Variants in ARK2C observed in about 807,000 individuals in gnomAD.
ARK2C encodes the protein arkadia (RNF111) C-terminal like ring finger ubiquitin ligase 2C, also known as E3 ubiquitin-protein ligase ARK2C.
chr18:46,412,361 T>C, the ARK2C span, among the ~76,000 whole-genome samples: 2 of 152,240 alleles, frequency 1.3e-5, no homozygotes, highest in Non-Finnish European at 2.9e-5. Flanking sequence ...CCCAGAGGGT[T>C]ACCACTAAGC....
At chr18:46,345,372 AC>A in the ARK2C span, among the ~76,000 whole-genome samples, 13 of 152,084 alleles carry the variant, frequency 8.5e-5, no homozygotes, top group African/African-American at 3.1e-4. Flanking sequence ...CCAGATGACA[AC>A]CTGAGATGGC....
chr18:46,401,428 T>G, the ARK2C span, among the ~76,000 whole-genome samples: 1 of 151,422 alleles, frequency 6.6e-6, no homozygotes, highest in East Asian at 1.9e-4. Flanking sequence ...AAAATGGAGG[T>G]TCCTTGTATT....
the ARK2C span, chr18:46,335,402 T>C: frequency 1.3e-5 from 2 of 152,200 alleles, no homozygotes; most frequent in African/African-American, 4.8e-5. Flanking sequence ...CACATTTCTT[T>C]CATTTTCTTT....
At chr18:46,379,310 C>T in the ARK2C span, among the ~76,000 whole-genome samples, 11 of 152,216 alleles carry the variant, frequency 7.2e-5, no homozygotes, top group Non-Finnish European at 1.6e-4. Flanking sequence ...AAACACAAAA[C>T]CCTCTCCTTA....
chr18:46,353,484 G>A, the ARK2C span, among the ~76,000 whole-genome samples: 1 of 152,134 alleles, frequency 6.6e-6, no homozygotes. Context: ...TTTTAGCACA[G>A]GTGCCTGGCA....
At chr18:46,426,570 C>A in the ARK2C span, among the ~76,000 whole-genome samples, 1 of 152,168 alleles carries the variant, frequency 6.6e-6, no homozygotes, top group African/African-American at 2.4e-5. Flanking sequence ...TCACTCAGGC[C>A]CCCACCCCCT....
the ARK2C span, among the ~76,000 whole-genome samples, chr18:46,415,705 CTTTCTAACCCTTGAGCCTCAG>C: frequency 6.6e-6 from 1 of 152,042 alleles, no homozygotes; most frequent in Non-Finnish European, 1.5e-5. Flanking sequence ...CTGAGCAAGT[CTTTCTAACCCTTGAGCCTCAG>C]TTTCTTCATC....
chr18:46,351,737 G>C, the ARK2C span, among the ~76,000 whole-genome samples: 1 of 152,158 alleles, frequency 6.6e-6, no homozygotes, highest in African/African-American at 2.4e-5. Context: ...TGGAAACAGA[G>C]GCCTAGGTTT....
chr18:46,455,900 C>A, the ARK2C span: 1 of 834,296 alleles, frequency 1.2e-6, no homozygotes, highest in Non-Finnish European at 2.0e-6. Flanking sequence ...GAAGAGCAGG[C>A]TGTGGGTGAA....
At chr18:46,451,798 C>A in the ARK2C span, among the ~76,000 whole-genome samples, 1 of 152,142 alleles carries the variant, frequency 6.6e-6, no homozygotes, top group Non-Finnish European at 1.5e-5. Context: ...GAGCAAGACC[C>A]TGTATCAAAC....
At chr18:46,380,466 T>C in the ARK2C span, among the ~76,000 whole-genome samples, 1 of 152,204 alleles carries the variant, frequency 6.6e-6, no homozygotes, top group Non-Finnish European at 1.5e-5. Context: ...GGAATAGTTA[T>C]GAGGGGCGCT....
chr18:46,422,660 C>A, the ARK2C span, among the ~76,000 whole-genome samples: 1 of 152,210 alleles, frequency 6.6e-6, no homozygotes, highest in South Asian at 2.1e-4. Flanking sequence ...AGTTTGGCAA[C>A]TTTAACTATG....
chr18:46,344,032 G>T, the ARK2C span, among the ~76,000 whole-genome samples: 2 of 152,190 alleles, frequency 1.3e-5, no homozygotes, highest in African/African-American at 2.4e-5. Context: ...TGGGTGTGCC[G>T]CTGTGTGCAG....
the ARK2C span, among the ~76,000 whole-genome samples, chr18:46,446,992 A>C: frequency 6.6e-6 from 1 of 152,102 alleles, no homozygotes; most frequent in Non-Finnish European, 1.5e-5. Flanking sequence ...CCAGATCTGA[A>C]ATTGGCCATT....
At chr18:46,379,799 T>C in the ARK2C span, among the ~76,000 whole-genome samples, 21 of 152,348 alleles carry the variant, frequency 1.4e-4, no homozygotes, top group Non-Finnish European at 2.6e-4. Flanking sequence ...GGGATCTGTT[T>C]CAGGGCCCGT....
At chr18:46,428,500 C>CT in the ARK2C span, among the ~76,000 whole-genome samples, 795 of 152,352 alleles carry the variant, frequency 5.2e-3, 9 homozygotes, top group African/African-American at 0.018. Context: ...CTGCTCCACT[C>CT]TATCAGTTAG....
At chr18:46,435,415 T>C in the ARK2C span, 2 of 1,575,458 alleles carry the variant, frequency 1.3e-6, no homozygotes, top group East Asian at 2.2e-5. Context: ...TCAGGGCCCC[T>C]GGGGGAGGAA....
chr18:46,364,821 C>G, the ARK2C span, among the ~76,000 whole-genome samples: 1 of 152,130 alleles, frequency 6.6e-6, no homozygotes, highest in African/African-American at 2.4e-5. Context: ...CACTGGATAT[C>G]TCTGGGCTCC....
the ARK2C span, among the ~76,000 whole-genome samples, chr18:46,370,553 C>T: frequency 2.0e-5 from 3 of 152,192 alleles, no homozygotes. Flanking sequence ...GATTCAGGAT[C>T]CAAGAGTGTG....
Sources: allele counts gnomAD v4.1 joint callset (sites outside exome capture counted in the v4.1 genomes callset), GRCh38; gene constraint gnomAD v4.1.1; transcripts MANE v1.5; gene names NCBI Gene and HGNC (gene_info 2026-07-23, HGNC 2026-07-21).